Variants in LRBA observed in about 807,000 individuals in gnomAD.
The protein encoded by LRBA is LPS responsive beige-like anchor protein.
A neutral mutation model predicts 330.0 loss-of-function variants in LRBA; 176 were observed. That is an observed-to-expected ratio of 0.53 (90% confidence interval 0.47 to 0.60). The LOEUF is 0.60. Ranked by LOEUF, LRBA falls within the 20% of genes least tolerant of loss-of-function variation. The pLI, the probability that LRBA is intolerant of heterozygous loss-of-function variation, is 0.00. For missense variants in LRBA, 3,259 were observed against 3,444.8 expected (o/e 0.95, Z 1.35); for synonymous variants, 1,230 against 1,193.0 (o/e 1.03, Z -0.64).
chr4:150,363,572 A>G (rs2151848019), intron 47 of LRBA, among the ~76,000 whole-genome samples: 1 of 152,342 alleles, frequency 6.6e-6, no homozygotes, highest in Non-Finnish European at 1.5e-5. Flanking sequence ...GGCAGGTACT[A>G]TATACCATCT....
intron 31 of LRBA, among the ~76,000 whole-genome samples, chr4:150,812,404 G>C (rs1020483371): frequency 1.8e-4 from 28 of 152,076 alleles, no homozygotes; most frequent in African/African-American, 3.4e-4. Flanking sequence ...TGGGGAGTAG[G>C]CAATTGTTTA....
chr4:150,391,178 G>C (rs1215869186), intron 47 of LRBA, among the ~76,000 whole-genome samples: 1 of 152,180 alleles, frequency 6.6e-6, no homozygotes, highest in Admixed American at 6.5e-5. Context: ...GGGCTAAAAT[G>C]TGGATATACG....
intron 47 of LRBA, among the ~76,000 whole-genome samples, chr4:150,409,316 A>G (rs982907271): frequency 6.6e-6 from 1 of 152,066 alleles, no homozygotes; most frequent in African/African-American, 2.4e-5. Context: ...GTGAGACAAT[A>G]AATTTCTGTT....
At chr4:150,649,477 G>A (rs544649067) in intron 37 of LRBA, among the ~76,000 whole-genome samples, 18 of 152,082 alleles carry the variant, frequency 1.2e-4, no homozygotes, top group Admixed American at 4.6e-4. Flanking sequence ...CTTTTGCATC[G>A]CATGGTCATA....
intron 37 of LRBA, among the ~76,000 whole-genome samples, chr4:150,599,590 T>G (rs1773896140): frequency 6.6e-6 from 1 of 152,236 alleles, no homozygotes; most frequent in South Asian, 2.1e-4. Flanking sequence ...CTTCCTAATT[T>G]GTGCCTTTTT....
intron 40 of LRBA, among the ~76,000 whole-genome samples, chr4:150,575,900 A>C (rs1360921628): frequency 6.6e-6 from 1 of 151,858 alleles, no homozygotes; most frequent in Non-Finnish European, 1.5e-5. Context: ...TTTCTTTAAC[A>C]CTTAAATTCA....
chr4:150,368,331 A>G (rs1240052516), intron 47 of LRBA, among the ~76,000 whole-genome samples: 4 of 152,172 alleles, frequency 2.6e-5, no homozygotes, highest in African/African-American at 9.7e-5. Flanking sequence ...AAAAAAAAAT[A>G]CTATAAAGCA....
At chr4:150,798,468 T>C (rs184830631) in intron 33 of LRBA, among the ~76,000 whole-genome samples, 3 of 152,100 alleles carry the variant, frequency 2.0e-5, no homozygotes, top group East Asian at 1.9e-4. Context: ...TTGGAGAGAG[T>C]TGATCGTTAT....
intron 34 of LRBA, among the ~76,000 whole-genome samples, chr4:150,790,193 T>C (rs1739694927): frequency 6.6e-6 from 1 of 152,222 alleles, no homozygotes; most frequent in African/African-American, 2.4e-5. Flanking sequence ...TCTAGTTATA[T>C]AGTCAGCATG....
intron 48 of LRBA, among the ~76,000 whole-genome samples, chr4:150,329,220 C>T (rs929069177): frequency 6.6e-6 from 1 of 152,168 alleles, no homozygotes; most frequent in Non-Finnish European, 1.5e-5. Flanking sequence ...GACACAAATG[C>T]TTTACTTCTT....
chr4:150,323,025 G>GTGTGTGTGTGTGTGTGTGTGTT (rs373782725), intron 49 of LRBA, among the ~76,000 whole-genome samples: 6,810 of 142,506 alleles, frequency 0.048, 243 homozygotes, highest in African/African-American at 0.052. Context: ...GTGTGTGTGT[G>GTGTGTGTGTGTGTGTGTGTGTT]GGGATGCATT....
At position 150,315,689 on chromosome 4, in the gene LRBA, A is replaced by G. The variant is rs375145713; in HGVS notation, c.7631-66T>C. ...TATATACTAAACTACATAAAAATGC[A>G]TAAGTCAAACCTTATGTAGAATTGT... On this transcript the variant is annotated intron_variant, in intron 50 of 56. Coordinates refer to ENST00000651943, the MANE Select transcript of LRBA (RefSeq NM_001364905.1). 1.3e-3 allele frequency: 1,243 copies of G among 964,814 alleles called. 10 individuals carry two copies. Among genetic ancestry groups the G allele is most frequent in the Middle Eastern group, 6.4e-3 (29 of 4,504 alleles). The allele number at this position is 964,814 out of a possible 1,614,324, so 59.8% of individuals were successfully genotyped here.
intron 37 of LRBA, among the ~76,000 whole-genome samples, chr4:150,636,596 T>A (rs1298424832): frequency 6.6e-6 from 1 of 152,178 alleles, no homozygotes; most frequent in Non-Finnish European, 1.5e-5. Context: ...GCTACCAGGA[T>A]GTCACTATTC....
chr4:150,677,105 T>G (rs1321971967), intron 37 of LRBA, among the ~76,000 whole-genome samples: 2 of 152,120 alleles, frequency 1.3e-5, no homozygotes, highest in Non-Finnish European at 2.9e-5. Flanking sequence ...TAATGAAAAT[T>G]TTAAGACTAA....
At chr4:150,494,704 T>C (rs1561259821) in intron 40 of LRBA, among the ~76,000 whole-genome samples, 2 of 152,132 alleles carry the variant, frequency 1.3e-5, no homozygotes, top group Admixed American at 1.3e-4. Context: ...GTCAAAAATA[T>C]TCAGTAGTAG....
At chr4:150,968,240 G>C (rs1250748925) in intron 2 of LRBA, among the ~76,000 whole-genome samples, 5 of 152,086 alleles carry the variant, frequency 3.3e-5, no homozygotes, top group Admixed American at 3.3e-4. Flanking sequence ...CTGACCTCAA[G>C]TGATCACCCA....
At chr4:150,981,718 T>C (rs796943507) in intron 2 of LRBA, among the ~76,000 whole-genome samples, 1 of 152,212 alleles carries the variant, frequency 6.6e-6, no homozygotes, top group South Asian at 2.1e-4. Context: ...CCCAGCACTT[T>C]GGGAGGCCGA....
intron 47 of LRBA, among the ~76,000 whole-genome samples, chr4:150,353,098 T>A (rs1319966802): frequency 6.6e-6 from 1 of 152,116 alleles, no homozygotes; most frequent in East Asian, 1.9e-4. Context: ...TTGGTGGCTG[T>A]TCGAAATCTG....
intron 34 of LRBA, among the ~76,000 whole-genome samples, chr4:150,776,035 C>T (rs752363150): frequency 6.6e-6 from 1 of 152,004 alleles, no homozygotes; most frequent in Non-Finnish European, 1.5e-5. Context: ...ATGGTTTTAA[C>T]AAATGTTATT....
Sources: allele counts gnomAD v4.1 joint callset (sites outside exome capture counted in the v4.1 genomes callset), GRCh38; gene constraint gnomAD v4.1.1; transcripts MANE v1.5; gene names NCBI Gene and HGNC (gene_info 2026-07-23, HGNC 2026-07-21).